Variants in TMEM132C observed in about 807,000 individuals in gnomAD.
The protein encoded by TMEM132C is protein phosphatase 1, regulatory subunit 152.
TMEM132C carries 29 observed loss-of-function variants against 61.4 expected under a neutral mutation model. That is an observed-to-expected ratio of 0.47 (90% CI 0.35 to 0.64). The LOEUF (loss-of-function observed/expected upper bound fraction) is 0.64, where lower values mean the gene tolerates loss of function less well. Among genes scored for constraint, TMEM132C ranks in the 30% least tolerant of loss-of-function variants. TMEM132C has a pLI of 0.00. For synonymous variants in TMEM132C, 656 were observed against 633.1 expected (o/e 1.04, Z -0.54); for missense variants, 1,408 against 1,476.9 (o/e 0.95, Z 0.76).
chr12:128,664,056 TCA>T (rs147685543), intron 4 of TMEM132C, among the ~76,000 whole-genome samples: 4 of 100,280 alleles, frequency 4.0e-5, no homozygotes, highest in African/African-American at 1.5e-4. Context: ...ACGCGGGCAC[TCA>T]CAGGCACACA....
At chr12:128,381,879 T>G (rs1009029056) in intron 1 of TMEM132C, among the ~76,000 whole-genome samples, 1 of 152,076 alleles carries the variant, frequency 6.6e-6, no homozygotes, top group African/African-American at 2.4e-5. Context: ...TAGCAACCTC[T>G]TAAGAGGAAA....
At chr12:128,274,280 G>A (rs1399502) in intron 1 of TMEM132C, among the ~76,000 whole-genome samples, 2,273 of 152,226 alleles carry the variant, frequency 0.015, 48 homozygotes, top group East Asian at 0.083. Flanking sequence ...GAATCCTAAA[G>A]TAACCCAAAG....
At chr12:128,629,476 C>CA (rs201873790) in intron 4 of TMEM132C, among the ~76,000 whole-genome samples, 2,333 of 150,104 alleles carry the variant, frequency 0.016, 47 homozygotes, top group African/African-American at 0.048. Flanking sequence ...TGTCTCAAAA[C>CA]AAAAAAAAAC....
At chr12:128,315,543 C>T (rs766577095) in intron 1 of TMEM132C, among the ~76,000 whole-genome samples, 1 of 151,916 alleles carries the variant, frequency 6.6e-6, no homozygotes, top group East Asian at 1.9e-4. Context: ...AAAAAAAAAA[C>T]TTGCATTTTC....
intron 1 of TMEM132C, among the ~76,000 whole-genome samples, chr12:128,305,539 CT>C (rs34692834): frequency 0.41 from 57,739 of 141,410 alleles, 11,869 homozygotes; most frequent in Middle Eastern, 0.5. Flanking sequence ...GGTTTTGTGG[CT>C]TTTTTTTTTT....
chr12:128,277,183 C>T (rs368263452), intron 1 of TMEM132C, among the ~76,000 whole-genome samples: 1 of 152,098 alleles, frequency 6.6e-6, no homozygotes, highest in African/African-American at 2.4e-5. Context: ...GCCAAAACTC[C>T]CAGCTTAAGC....
At chr12:128,692,533 G>A (rs1163531279) in intron 5 of TMEM132C, among the ~76,000 whole-genome samples, 1 of 152,146 alleles carries the variant, frequency 6.6e-6, no homozygotes, top group African/African-American at 2.4e-5. Flanking sequence ...AATTCATCGG[G>A]GTGGCAGAAA....
intron 1 of TMEM132C, among the ~76,000 whole-genome samples, chr12:128,369,522 T>C (rs980612927): frequency 2.0e-5 from 3 of 152,078 alleles, no homozygotes; most frequent in Non-Finnish European, 2.9e-5. Context: ...TGCTTCAGCA[T>C]TCATGCTTAA....
At chr12:128,309,867 CT>C (rs1287641100) in intron 1 of TMEM132C, among the ~76,000 whole-genome samples, 4 of 152,222 alleles carry the variant, frequency 2.6e-5, no homozygotes, top group South Asian at 4.2e-4. Flanking sequence ...TCCTGAGTAG[CT>C]GGGATTACAG....
At position 128,705,559 on chromosome 12, in the gene TMEM132C, T is replaced by C. The variant is rs1335127312; in HGVS notation, c.2591T>C (p.Leu864Pro). 1 of 1,551,016 alleles carries C rather than the reference T, an allele frequency of 6.4e-7. No homozygotes were observed. ...RRATTTARSL[L>P]DNKVVKNSRA... ...GCCACTACCACGGCCAGGTCCCTGCTGGACAACAAAGTGGTGAAGAACAGT... is the reference window on the plus strand; with the variant it reads ...GCCACTACCACGGCCAGGTCCCTGCCGGACAACAAAGTGGTGAAGAACAGT... The change falls in exon 9 of 9, where the codon CTG (leucine) becomes CCG (proline). Residue 864 changes from leucine to proline, a missense_variant. By Grantham distance (98) the Leu-to-Pro change is moderately conservative (BLOSUM62 -3). Coordinates refer to ENST00000435159, the MANE Select transcript of TMEM132C (RefSeq NM_001136103.3).
rs1159367108 is a variant in TMEM132C at position 128,705,492 on chromosome 12, G to A, written c.2524G>A (p.Gly842Ser). The A allele has an allele frequency of 2.6e-6, 4 of 1,551,084 alleles. No individual in the cohort carries two copies. The highest frequency in any genetic ancestry group is 3.5e-6 in the Non-Finnish European group (4 of 1,146,954). Residue 842 changes from glycine to serine, a missense_variant, in exon 9 of 9, where the codon GGC (glycine) becomes AGC (serine). Coordinates refer to ENST00000435159, the MANE Select transcript of TMEM132C (RefSeq NM_001136103.3). Reference sequence around the variant, plus strand: ...CACAGGCCAAGATGGGCACCTCTATGGCAGCTCTCCCGTGGAGCGTGAGGA... The same window carrying A: ...CACAGGCCAAGATGGGCACCTCTATAGCAGCTCTCCCGTGGAGCGTGAGGA... ...ERTGQDGHLY[G>S]SSPVEREEGA...
chr12:128,528,038 T>G (rs969177253), intron 2 of TMEM132C, among the ~76,000 whole-genome samples: 1 of 152,224 alleles, frequency 6.6e-6, no homozygotes, highest in African/African-American at 2.4e-5. Flanking sequence ...AGAGCCTGGC[T>G]GATACTGGCA....
intron 3 of TMEM132C, among the ~76,000 whole-genome samples, chr12:128,583,271 A>G (rs1301481144): frequency 6.8e-6 from 1 of 147,002 alleles, no homozygotes; most frequent in Non-Finnish European, 1.5e-5. Context: ...GTGTGCCAAC[A>G]TCGTACACTA....
At chr12:128,569,751 C>T (rs1366797191) in intron 3 of TMEM132C, among the ~76,000 whole-genome samples, 1 of 152,190 alleles carries the variant, frequency 6.6e-6, no homozygotes, top group Non-Finnish European at 1.5e-5. Flanking sequence ...TGCATTGGTT[C>T]TGTGAAAACT....
At chr12:128,346,065 A>G (rs1831448315) in intron 1 of TMEM132C, among the ~76,000 whole-genome samples, 1 of 152,026 alleles carries the variant, frequency 6.6e-6, no homozygotes, top group Admixed American at 6.6e-5. Flanking sequence ...ATTTTTGTAT[A>G]TGGTATCCTT....
In TMEM132C at chr12:128,540,954, T is replaced by G. The variant is rs1027557219; in HGVS notation, c.975-3003T>G. Reference sequence around the variant, plus strand: ...TTCTCTCTGTCTCTGTCTGTCTACTTCTCTCTCTCTTTCTGTCTCTATCTC... The same window carrying G: ...TTCTCTCTGTCTCTGTCTGTCTACTGCTCTCTCTCTTTCTGTCTCTATCTC... On this transcript the variant is annotated intron_variant, in intron 2 of 8. Transcript: ENST00000435159. Among the ~76,000 whole-genome samples the G allele has an allele frequency of 1.4e-4, 21 of 151,972 alleles. No individual in the cohort carries two copies. In the East Asian group the frequency reaches 3.1e-3, roughly 22 times the overall value.
At position 128,557,114 on chromosome 12, in the gene TMEM132C, C is replaced by T. The variant is rs572976368; in HGVS notation, c.1121+13011C>T. ...GGTTCTAAATGCCCCTTCTTCTCCC[C>T]CAACAAGGAAGAGATTCCTAATTAA... On this transcript the variant is annotated intron_variant, in intron 3 of 8. Coordinates refer to ENST00000435159, the MANE Select transcript of TMEM132C (RefSeq NM_001136103.3). 2.6e-5 allele frequency among the ~76,000 whole-genome samples: 4 copies of T among 152,214 alleles called. No homozygotes were observed. The East Asian group carries it at 5.8e-4, about 22-fold the overall frequency.
At chr12:128,566,329 G>T (rs907946279) in intron 3 of TMEM132C, among the ~76,000 whole-genome samples, 2 of 151,902 alleles carry the variant, frequency 1.3e-5, no homozygotes, top group East Asian at 3.9e-4. Context: ...GAAAAAAAAT[G>T]ATTGACATTT....
At chr12:128,417,792 T>A (rs761777184) in intron 2 of TMEM132C, among the ~76,000 whole-genome samples, 2 of 152,230 alleles carry the variant, frequency 1.3e-5, no homozygotes, top group Non-Finnish European at 2.9e-5. Flanking sequence ...CATTGAATTG[T>A]ATCTTCGCAG....
Sources: gnomAD v4.1 joint callset for allele counts (sites outside exome capture counted in the v4.1 genomes callset) on GRCh38, gnomAD v4.1.1 for gene constraint, MANE v1.5 for transcripts, NCBI Gene and HGNC (gene_info 2026-07-23, HGNC 2026-07-21) for gene names.